Variants in DOCK3 observed in about 807,000 individuals in gnomAD.
The protein encoded by DOCK3 is dedicator of cytokinesis 3, also known as dedicator of cytokinesis protein 3.
Under a neutral mutation model 265.6 loss-of-function variants are expected in DOCK3, and 60 were observed. The observed-to-expected ratio is 0.23, with a 90% CI of 0.18 to 0.28. DOCK3 has a LOEUF of 0.28. DOCK3 is among the 10% of genes least tolerant of loss of function. The probability of loss-of-function intolerance (pLI) is 1.00; values close to 1 mark genes in which losing one functional copy is unlikely to be tolerated. For synonymous variants in DOCK3, 881 were observed against 938.0 expected, an observed-to-expected ratio of 0.94 and a Z score of 1.11; for missense variants, 1,981 against 2,594.3, an observed-to-expected ratio of 0.76 and a Z score of 5.14.
In DOCK3 at chr3:51,202,867, A is replaced by C. The variant is rs61023516; in HGVS notation, c.1038-5907A>C. ...GGGATGCAAGGCTGGTTCAATATAC[A>C]CAAATCAATAAATGTAATCCAGCAT... On this transcript the variant is annotated intron_variant, in intron 12 of 52. Transcript: ENST00000266037. Among the ~76,000 whole-genome samples the C allele has an allele frequency of 2.0e-4, 30 of 148,718 alleles. 2 individuals carry two copies. Among genetic ancestry groups the C allele is most frequent in the South Asian group, 1.7e-3 (8 of 4,824 alleles).
At chr3:51,131,691 C>G (rs902382305) in intron 9 of DOCK3, among the ~76,000 whole-genome samples, 1 of 152,180 alleles carries the variant, frequency 6.6e-6, no homozygotes, top group Non-Finnish European at 1.5e-5. Flanking sequence ...TGCCAGAGCT[C>G]TACATGAGTC....
At position 50,964,782 on chromosome 3, in the gene DOCK3, G is replaced by A. The variant is rs1162200989; in HGVS notation, c.315+30705G>A. Among the ~76,000 whole-genome samples, 4 of 151,946 alleles carry A rather than the reference G, an allele frequency of 2.6e-5. No individual in the cohort carries two copies. In the East Asian group the frequency reaches 5.8e-4, roughly 22 times the overall value. ...GTGAAAGATGTTTAATGAATCTCAA[G>A]TAGAAGAAACAAAAGAATATACATC... On this transcript the variant is annotated intron_variant, in intron 5 of 52. Transcript: ENST00000266037.
At chr3:51,336,510 C>G (rs987285932) in intron 35 of DOCK3, among the ~76,000 whole-genome samples, 2 of 152,114 alleles carry the variant, frequency 1.3e-5, no homozygotes, top group African/African-American at 4.8e-5. Flanking sequence ...TAGTCCCCAG[C>G]CAGCCCACTA....
At chr3:51,247,329 C>T (rs1363560018) in intron 22 of DOCK3, among the ~76,000 whole-genome samples, 2 of 152,210 alleles carry the variant, frequency 1.3e-5, no homozygotes, top group Admixed American at 1.3e-4. Context: ...TTGTCAGCAT[C>T]CCTGCTTGGA....
At chr3:51,349,210 G>A (rs189952352) in intron 39 of DOCK3, among the ~76,000 whole-genome samples, 3 of 152,278 alleles carry the variant, frequency 2.0e-5, no homozygotes, top group African/African-American at 7.2e-5. Context: ...AGAAGGAGGT[G>A]GCAGCTCAAC....
chr3:50,919,338 C>A (rs7650772), intron 4 of DOCK3, among the ~76,000 whole-genome samples: 7,020 of 152,194 alleles, frequency 0.046, 583 homozygotes, highest in African/African-American at 0.16. Context: ...CTATAAATAA[C>A]CTTGGGCACT....
At chr3:50,761,557 G>T (rs1267194346) in intron 1 of DOCK3, among the ~76,000 whole-genome samples, 1 of 152,112 alleles carries the variant, frequency 6.6e-6, no homozygotes, top group African/African-American at 2.4e-5. Context: ...CTTTATCCCT[G>T]GGAAGCCGTC....
At chr3:51,292,321 C>G (rs185900240) in intron 27 of DOCK3, among the ~76,000 whole-genome samples, 1 of 152,088 alleles carries the variant, frequency 6.6e-6, no homozygotes, top group East Asian at 1.9e-4. Context: ...GTAGAATTGT[C>G]TCTGTTTGCC....
intron 12 of DOCK3, among the ~76,000 whole-genome samples, chr3:51,172,558 T>C (rs901127044): frequency 6.6e-6 from 1 of 152,250 alleles, no homozygotes; most frequent in Non-Finnish European, 1.5e-5. Flanking sequence ...TGCATTTTTA[T>C]GCATTCAGTT....
chr3:51,375,287 A>G (rs1321561743), intron 50 of DOCK3, among the ~76,000 whole-genome samples: 8 of 152,198 alleles, frequency 5.3e-5, no homozygotes, highest in Non-Finnish European at 8.8e-5. Context: ...GCAGCTGCCC[A>G]TTAAAACAGC....
intron 27 of DOCK3, among the ~76,000 whole-genome samples, chr3:51,291,637 A>C (rs184497938): frequency 6.6e-6 from 1 of 152,338 alleles, no homozygotes; most frequent in Non-Finnish European, 1.5e-5. Flanking sequence ...GCCCAGGACT[A>C]GATGGCTTCA....
intron 12 of DOCK3, among the ~76,000 whole-genome samples, chr3:51,184,114 A>T (rs936195684): frequency 1.6e-4 from 25 of 152,296 alleles, no homozygotes; most frequent in African/African-American, 5.5e-4. Flanking sequence ...GTTCGAGAGC[A>T]GCCTGGCCAA....
intron 5 of DOCK3, among the ~76,000 whole-genome samples, chr3:51,006,705 T>C (rs2078689300): frequency 6.6e-6 from 1 of 152,168 alleles, no homozygotes; most frequent in African/African-American, 2.4e-5. Flanking sequence ...ACATGTGCTG[T>C]GTTGGTTTGC....
rs770594554 is a variant in DOCK3 at position 50,745,671 on chromosome 3, C to T, written c.38-33004C>T. On this transcript the variant is annotated intron_variant, in intron 1 of 52. Coordinates refer to ENST00000266037, the MANE Select transcript of DOCK3 (RefSeq NM_004947.5). The stretch of plus-strand genomic sequence containing the variant: ...CCCTGCCTGTTCAGGCATCAAGCAG[C>T]TGCTTCAGGAATATGAGCTACTATC... Among the ~76,000 whole-genome samples, 129 of 152,194 alleles carry T rather than the reference C, an allele frequency of 8.5e-4. 3 individuals are homozygous for T. The highest frequency in any genetic ancestry group is 7.9e-4 in the Admixed American group (12 of 15,276).
intron 32 of DOCK3, among the ~76,000 whole-genome samples, chr3:51,318,438 GTA>G (rs2083491415): frequency 6.6e-6 from 1 of 152,086 alleles, no homozygotes; most frequent in Non-Finnish European, 1.5e-5. Flanking sequence ...AATGAAAACA[GTA>G]TATCTTTCCA....
chr3:50,877,996 T>C (rs2047801043), intron 3 of DOCK3, among the ~76,000 whole-genome samples: 1 of 152,238 alleles, frequency 6.6e-6, no homozygotes, highest in Admixed American at 6.5e-5. Flanking sequence ...CCGCTGGTGA[T>C]ACCCAGGCAA....
chr3:51,367,117 G>A (rs1349506663), intron 49 of DOCK3, among the ~76,000 whole-genome samples: 1 of 152,158 alleles, frequency 6.6e-6, no homozygotes, highest in Non-Finnish European at 1.5e-5. Context: ...TTATTGTGTG[G>A]GGGTCTAAGT....
intron 4 of DOCK3, among the ~76,000 whole-genome samples, chr3:50,898,402 T>A (rs1405666535): frequency 7.2e-5 from 11 of 152,150 alleles, no homozygotes. Flanking sequence ...GCGGTCTACC[T>A]ATTTTGTTAA....
At chr3:51,284,157 T>TA (rs2081287587) in intron 27 of DOCK3, among the ~76,000 whole-genome samples, 1 of 152,174 alleles carries the variant, frequency 6.6e-6, no homozygotes, top group African/African-American at 2.4e-5. Flanking sequence ...CTCCAACTTT[T>TA]ACAGCTTCTA....
Sources: allele counts gnomAD v4.1 joint callset (sites outside exome capture counted in the v4.1 genomes callset), GRCh38; gene constraint gnomAD v4.1.1; transcripts MANE v1.5; gene names NCBI Gene and HGNC (gene_info 2026-07-23, HGNC 2026-07-21).